The following RP2 variants were observed in gnomAD, a reference collection of about 807,000 sequenced individuals.
RP2 encodes the protein protein XRP2.
In RP2, 3 loss-of-function variants were observed where a neutral mutation model predicts 20.3. The ratio of observed to expected loss-of-function variants is 0.15; its 90% CI spans 0.07 to 0.38. The LOEUF (loss-of-function observed/expected upper bound fraction) is 0.38. Ranked by LOEUF, RP2 falls within the 10% of genes least tolerant of loss-of-function variation. The pLI, the probability that RP2 is intolerant of heterozygous loss-of-function variation, is 1.00. For missense variants in RP2, 233 were observed against 268.5 expected (o/e 0.87, Z 0.92); for synonymous variants, 75 against 94.8 (o/e 0.79, Z 1.22).
At chrX:46,847,720 A>ATGTGTGTGTGTATATACACACATATG (rs1443924260) in intron 1 of RP2, among the ~76,000 whole-genome samples, 3 of 86,183 alleles carry the variant, frequency 3.5e-5, no homozygotes, top group African/African-American at 1.0e-4. Context: ...ACACACATAT[A>ATGTGTGTGTGTATATACACACATATG]TGTGTGTGTG....
At chrX:46,859,754 C>T (rs977203460) in intron 2 of RP2, among the ~76,000 whole-genome samples, 5 of 111,505 alleles carry the variant, frequency 4.5e-5, no homozygotes, top group Admixed American at 1.9e-4. Flanking sequence ...AGATAATTCA[C>T]ATTTATTTGA....
At chrX:46,847,798 G>A (rs782586949) in intron 1 of RP2, among the ~76,000 whole-genome samples, 56 of 77,266 alleles carry the variant, frequency 7.2e-4, no homozygotes, top group East Asian at 4.5e-3. Context: ...ATGTGTGTGT[G>A]TATATATATA....
intron 2 of RP2, among the ~76,000 whole-genome samples, chrX:46,855,426 C>T (rs1376572665): frequency 9.0e-6 from 1 of 110,960 alleles, no homozygotes; most frequent in African/African-American, 3.3e-5. Flanking sequence ...AATTTAAAAA[C>T]CAAACTTAAA....
At chrX:46,855,142 TC>T (rs782761581) in intron 2 of RP2, among the ~76,000 whole-genome samples, 18 of 111,003 alleles carry the variant, frequency 1.6e-4, no homozygotes, top group African/African-American at 3.9e-4. Flanking sequence ...TTCCTTATTT[TC>T]CTTTATTGCC....
chrX:46,863,950 C>T (rs193088752), intron 3 of RP2, among the ~76,000 whole-genome samples: 1 of 111,886 alleles, frequency 8.9e-6, no homozygotes, highest in East Asian at 2.8e-4. Context: ...TAAGAGAATT[C>T]ATTGTTTTCC....
chrX:46,872,722 TTTTG>T (rs367642575), intron 3 of RP2, among the ~76,000 whole-genome samples: 102 of 111,625 alleles, frequency 9.1e-4, no homozygotes, highest in African/African-American at 2.3e-3. Context: ...TCTGGTGTTT[TTTTG>T]TTTGTTTGTT....
At chrX:46,847,787 C>CAT (rs371505091) in intron 1 of RP2, among the ~76,000 whole-genome samples, 6,766 of 82,281 alleles carry the variant, frequency 0.082, 774 homozygotes, top group African/African-American at 0.28. Flanking sequence ...TACATACACA[C>CAT]ATGTGTGTGT....
chrX:46,837,485 G>A (rs782194719), intron 1 of RP2, among the ~76,000 whole-genome samples: 1 of 111,729 alleles, frequency 9.0e-6, no homozygotes, highest in Admixed American at 9.5e-5. Context: ...ACCCTGCCTT[G>A]CTCTGACTTC....
intron 4 of RP2, among the ~76,000 whole-genome samples, chrX:46,878,299 C>G (rs1417928140): frequency 9.4e-6 from 1 of 106,384 alleles, no homozygotes; most frequent in Non-Finnish European, 1.9e-5. Flanking sequence ...ATGGCGTGAA[C>G]CCGGGAGGCG....
At chrX:46,841,145 C>T (rs1047278409) in intron 1 of RP2, among the ~76,000 whole-genome samples, 5 of 111,528 alleles carry the variant, frequency 4.5e-5, no homozygotes, top group African/African-American at 1.6e-4. Flanking sequence ...TAACATAAGG[C>T]AGATCATAAT....
At chrX:46,877,302 T>C (rs1024513605) in intron 3 of RP2, among the ~76,000 whole-genome samples, 2 of 112,444 alleles carry the variant, frequency 1.8e-5, no homozygotes, top group African/African-American at 6.5e-5. Context: ...CTGAAGCTAC[T>C]TGTTATGAGA....
At chrX:46,847,130 T>G (rs781810471) in intron 1 of RP2, among the ~76,000 whole-genome samples, 2 of 112,353 alleles carry the variant, frequency 1.8e-5, no homozygotes, top group East Asian at 5.6e-4. Flanking sequence ...ACCTAAATGT[T>G]GAGCATTTTT....
intron 3 of RP2, among the ~76,000 whole-genome samples, chrX:46,869,702 C>T (rs1440425896): frequency 1.9e-5 from 2 of 103,687 alleles, no homozygotes; most frequent in Non-Finnish European, 4.0e-5. Flanking sequence ...CCCCGCCTCC[C>T]GGGTTCAGGT....
rs868919245 is a variant in RP2, at chrX:46,853,680, C to T, written c.307C>T (p.Arg103Trp). ...LGPVKGSVFF[R>W]NCRDCKCTLA... ...ACCCGTGAAAGGCAGCGTGTTTTTCCGGAATTGCAGAGATTGCAAGTGCAC... is the reference window on the plus strand; with the variant it reads ...ACCCGTGAAAGGCAGCGTGTTTTTCTGGAATTGCAGAGATTGCAAGTGCAC... The change falls in exon 2 of 5, where the codon CGG becomes TGG. Residue 103 changes from arginine to tryptophan, a missense_variant. Physicochemically the swap from Arg to Trp is moderately radical, Grantham distance 101 (BLOSUM62 -3). Around this residue, in one of 3 missense-constraint regions of RP2, gnomAD observed 38 missense variants for 72.9 expected, o/e 0.52. Coordinates refer to ENST00000218340, the MANE Select transcript of RP2 (RefSeq NM_006915.3). 2 of 1,211,660 alleles carry T rather than the reference C, an allele frequency of 1.7e-6. No individual in the cohort carries two copies. Among genetic ancestry groups the T allele is most frequent in the Non-Finnish European group, 2.2e-6 (2 of 895,474 alleles).
chrX:46,859,396 G>A (rs1925024990), intron 2 of RP2, among the ~76,000 whole-genome samples: 1 of 108,487 alleles, frequency 9.2e-6, no homozygotes, highest in Admixed American at 1.0e-4. Context: ...GGCTGAGGTG[G>A]GAGAATCGTT....
intron 3 of RP2, among the ~76,000 whole-genome samples, chrX:46,872,224 T>C (rs968098690): frequency 3.6e-5 from 4 of 112,621 alleles, no homozygotes; most frequent in Non-Finnish European, 7.5e-5. Context: ...GATTTATCTT[T>C]TTTTCTTGTA....
intron 1 of RP2, among the ~76,000 whole-genome samples, chrX:46,843,549 T>C (rs1420949398): frequency 8.9e-6 from 1 of 111,899 alleles, no homozygotes; most frequent in Non-Finnish European, 1.9e-5. Flanking sequence ...CTTCCAGTTC[T>C]TGAATTCTTT....
rs1175717584 is a variant in RP2 at position 46,882,118 on chromosome X, TA to T, written c.*2351del. The T allele has an allele frequency of 7.1e-5, 8 of 112,391 alleles. No individual in the cohort carries two copies. The highest frequency in any genetic ancestry group is 4.7e-4 in the Admixed American group (5 of 10,560). The allele number at this position is 112,391 out of a possible 1,213,427, so 9.3% of individuals were successfully genotyped here. On this transcript the variant is annotated 3_prime_UTR_variant, in exon 5 of 5. Coordinates refer to ENST00000218340, the MANE Select transcript of RP2 (RefSeq NM_006915.3). The stretch of plus-strand genomic sequence containing the variant: ...TTTCTATAATTCTAACCTTTGATAG[TA>T]ATCAGAATGTATTACATTTCATTTC...
chrX:46,841,677 A>G (rs1924624310), intron 1 of RP2, among the ~76,000 whole-genome samples: 1 of 112,433 alleles, frequency 8.9e-6, no homozygotes, highest in Non-Finnish European at 1.9e-5. Context: ...ATTAGACTTA[A>G]TTTGGATGTG....
Sources: gnomAD v4.1 joint callset for allele counts (sites outside exome capture counted in the v4.1 genomes callset) on GRCh38, gnomAD v4.1.1 for gene constraint, gnomAD v4.1.1 regional missense constraint, MANE v1.5 for transcripts, NCBI Gene and HGNC (gene_info 2026-07-23, HGNC 2026-07-21) for gene names.